Variants in VWC2L observed in about 807,000 individuals in gnomAD.
The protein encoded by VWC2L is von Willebrand factor C domain containing 2 like.
Under a neutral mutation model 21.6 loss-of-function variants are expected in VWC2L, and 10 were observed. The ratio of observed to expected loss-of-function variants is 0.46; its 90% CI spans 0.29 to 0.78. VWC2L has a LOEUF of 0.78. Ranked by LOEUF, VWC2L falls within the 30% of genes least tolerant of loss-of-function variation. The probability of loss-of-function intolerance (pLI) is 0.10; values close to 1 mark genes in which losing one functional copy is unlikely to be tolerated. For synonymous variants in VWC2L, 96 were observed against 94.3 expected (o/e 1.02, Z -0.10); for missense variants, 209 against 277.1 (o/e 0.75, Z 1.74).
chr2:214,414,970 G>T, intron 2 of VWC2L: 1 of 218,632 alleles, frequency 4.6e-6, no homozygotes, highest in Non-Finnish European at 8.9e-6. Context: ...TTATTAGCCT[G>T]TATTTGAAGT....
chr2:214,504,891 A>G (rs1231358867), intron 3 of VWC2L, among the ~76,000 whole-genome samples: 4 of 152,192 alleles, frequency 2.6e-5, no homozygotes, highest in African/African-American at 9.7e-5. Flanking sequence ...AGACAAGTCC[A>G]ATTTTGAGCT....
intron 3 of VWC2L, among the ~76,000 whole-genome samples, chr2:214,491,562 C>A (rs1170265510): frequency 6.6e-6 from 1 of 152,144 alleles, no homozygotes; most frequent in African/African-American, 2.4e-5. Flanking sequence ...TGTAATGTTA[C>A]AATACCTTTG....
intron 3 of VWC2L, among the ~76,000 whole-genome samples, chr2:214,552,536 T>A (rs1174220404): frequency 1.3e-5 from 2 of 152,206 alleles, no homozygotes; most frequent in East Asian, 3.9e-4. Context: ...ATTCTAGTAG[T>A]ATTGGACACC....
At chr2:214,443,418 T>C (rs1465772436) in intron 3 of VWC2L, among the ~76,000 whole-genome samples, 1 of 151,806 alleles carries the variant, frequency 6.6e-6, no homozygotes, top group Non-Finnish European at 1.5e-5. Flanking sequence ...TTTTCAGAGA[T>C]TGTCAGAAAG....
rs1461500315 is a variant in VWC2L, at chr2:214,543,699, G to T, written c.521-31973G>T. On this transcript the variant is annotated intron_variant, in intron 3 of 3. Coordinates refer to ENST00000312504, the MANE Select transcript of VWC2L (RefSeq NM_001080500.4). ...AGAGGAAAATGAAGATGGCTGGCAAGGTCCCTCAGCTTAATTGAATAAACA... is the reference window on the plus strand; with the variant it reads ...AGAGGAAAATGAAGATGGCTGGCAATGTCCCTCAGCTTAATTGAATAAACA... Among the ~76,000 whole-genome samples, 2 of 151,618 alleles carry T rather than the reference G, an allele frequency of 1.3e-5. 1 individual carries two copies. The highest frequency in any genetic ancestry group is 2.9e-5 in the Non-Finnish European group (2 of 67,922).
At chr2:214,528,509 T>C (rs553346380) in intron 3 of VWC2L, among the ~76,000 whole-genome samples, 2 of 152,326 alleles carry the variant, frequency 1.3e-5, no homozygotes, top group East Asian at 3.9e-4. Flanking sequence ...TTCTCTGAGA[T>C]AAAAGTTTTA....
intron 2 of VWC2L, among the ~76,000 whole-genome samples, chr2:214,432,057 G>A (rs1422131366): frequency 6.6e-6 from 1 of 152,112 alleles, no homozygotes; most frequent in Non-Finnish European, 1.5e-5. Flanking sequence ...TCCCCAAAGT[G>A]CCCATTATAA....
intron 3 of VWC2L, among the ~76,000 whole-genome samples, chr2:214,478,263 G>A (rs1257177508): frequency 2.0e-5 from 3 of 152,064 alleles, no homozygotes; most frequent in Admixed American, 2.0e-4. Flanking sequence ...CGGATCACCT[G>A]AGGTCAGGAG....
Position 214,414,200 on chromosome 2 carries a change from C to A in VWC2L, c.7C>A (p.Leu3Ile). The A allele has an allele frequency of 1.2e-6, 2 of 1,610,744 alleles. No individual in the cohort carries two copies. The highest frequency in any genetic ancestry group is 1.7e-6 in the Non-Finnish European group (2 of 1,179,136). MA[L>I]HIHEACILLL... is the part of the protein sequence containing the mutation. ...GAAGTCTTTGAAGAGGGGGATGGCT[C>A]TTCATATTCATGAAGCTTGCATACT... Residue 3 changes from leucine to isoleucine, a missense_variant, in exon 2 of 4, where the codon CTT becomes ATT. By Grantham distance (5) the Leu-to-Ile change is conservative (BLOSUM62 2). Transcript: ENST00000312504.
intron 3 of VWC2L, among the ~76,000 whole-genome samples, chr2:214,535,428 G>A (rs759430910): frequency 4.3e-5 from 6 of 140,502 alleles, no homozygotes; most frequent in Non-Finnish European, 7.8e-5. Flanking sequence ...CCTCCTCCCC[G>A]ACCCCACCAC....
At chr2:214,565,158 AT>A (rs1690042796) in intron 3 of VWC2L, among the ~76,000 whole-genome samples, 1 of 152,152 alleles carries the variant, frequency 6.6e-6, no homozygotes, top group South Asian at 2.1e-4. Flanking sequence ...GGGTACCATA[AT>A]TCAGTATTTC....
chr2:214,425,552 T>C (rs370401742), intron 2 of VWC2L, among the ~76,000 whole-genome samples: 2 of 152,300 alleles, frequency 1.3e-5, no homozygotes, highest in East Asian at 3.9e-4. Flanking sequence ...GTGTTCTCTT[T>C]TGATAAGTCA....
In VWC2L at chr2:214,414,777, G is replaced by T. The variant is rs183231741; in HGVS notation, c.390+194G>T. ...CTGGTTTGTTGATCATATTTGTTAA[G>T]TTGCACAATAACCTTTATTTTTTTT... On this transcript the variant is annotated intron_variant, in intron 2 of 3. Transcript: ENST00000312504. 2.5e-5 allele frequency: 16 copies of T among 630,018 alleles called. No homozygotes were observed. In the East Asian group the frequency reaches 4.7e-4, roughly 18 times the overall value. The allele number at this position is 630,018 out of a possible 1,614,324, so 39.0% of individuals were successfully genotyped here.
chr2:214,460,470 TTGTG>T (rs1052058110), intron 3 of VWC2L, among the ~76,000 whole-genome samples: 3 of 152,094 alleles, frequency 2.0e-5, no homozygotes, highest in Non-Finnish European at 2.9e-5. Flanking sequence ...TCTTTGGATT[TTGTG>T]TGTGTTTGTG....
chr2:214,534,775 C>G (rs767979752), intron 3 of VWC2L, among the ~76,000 whole-genome samples: 1 of 152,128 alleles, frequency 6.6e-6, no homozygotes, highest in Non-Finnish European at 1.5e-5. Flanking sequence ...CCAGTGTTAA[C>G]TCCAGTTCTG....
At chr2:214,459,293 A>G (rs1574576036) in intron 3 of VWC2L, among the ~76,000 whole-genome samples, 1 of 152,216 alleles carries the variant, frequency 6.6e-6, no homozygotes, top group Non-Finnish European at 1.5e-5. Flanking sequence ...CTTTCAATGT[A>G]TAAGTGTCTT....
chr2:214,491,564 A>C (rs752487271), intron 3 of VWC2L, among the ~76,000 whole-genome samples: 3 of 152,224 alleles, frequency 2.0e-5, no homozygotes, highest in Non-Finnish European at 4.4e-5. Flanking sequence ...TAATGTTACA[A>C]TACCTTTGGG....
At chr2:214,538,042 A>C (rs1331147547) in intron 3 of VWC2L, among the ~76,000 whole-genome samples, 1 of 151,984 alleles carries the variant, frequency 6.6e-6, no homozygotes, top group East Asian at 1.9e-4. Context: ...TGTGTATTTG[A>C]CATTTTTCAT....
At chr2:214,549,156 C>T (rs747755580) in intron 3 of VWC2L, among the ~76,000 whole-genome samples, 3 of 152,200 alleles carry the variant, frequency 2.0e-5, no homozygotes, top group East Asian at 1.9e-4. Context: ...CTGCGCTCCT[C>T]TTATTAGACC....
Sources: gnomAD v4.1 joint callset for allele counts (sites outside exome capture counted in the v4.1 genomes callset) on GRCh38, gnomAD v4.1.1 for gene constraint, MANE v1.5 for transcripts, NCBI Gene and HGNC (gene_info 2026-07-23, HGNC 2026-07-21) for gene names.